Variants in SMAD9 observed in about 807,000 individuals in gnomAD.
SMAD9 encodes the protein SMAD family member 9.
Under a neutral mutation model 46.1 loss-of-function variants are expected in SMAD9, and 36 were observed. That is an observed-to-expected ratio of 0.78 (90% CI 0.60 to 1.03). SMAD9 has a LOEUF of 1.03. SMAD9 is among the 50% of genes least tolerant of loss of function. The probability of loss-of-function intolerance (pLI) is 0.00; values close to 1 mark genes in which losing one functional copy is unlikely to be tolerated. For missense variants in SMAD9, 572 were observed against 599.8 expected (o/e 0.95, Z 0.48); for synonymous variants, 245 against 237.1 (o/e 1.03, Z -0.31).
chr13:36,894,033 AGATAT>A (rs1178246977), intron 1 of SMAD9, among the ~76,000 whole-genome samples: 1 of 152,226 alleles, frequency 6.6e-6, no homozygotes, highest in Admixed American at 6.5e-5. Flanking sequence ...ATTTCTTATC[AGATAT>A]AAGTTCAACA....
At chr13:36,866,783 T>C (rs2058238997) in intron 4 of SMAD9, among the ~76,000 whole-genome samples, 1 of 152,184 alleles carries the variant, frequency 6.6e-6, no homozygotes, top group Non-Finnish European at 1.5e-5. Flanking sequence ...ATCTACAGAA[T>C]AAAAATCTTC....
At position 36,853,541 on chromosome 13, in the gene SMAD9, A is replaced by C. The variant is rs769046569; in HGVS notation, c.1138T>G (p.Cys380Gly). The C allele has an allele frequency of 6.2e-7, 1 of 1,614,184 alleles. No homozygotes were observed. Among genetic ancestry groups the C allele is most frequent in the South Asian group, 1.1e-5 (1 of 91,084 alleles). ...PATVCKIPSG[C>G]SLKVFNNQLF... ...TGGTTGTTGAAGACCTTGAGGCTGCAGCCGCTGGGGATCTTGCAGACGGTA... is the reference window on the plus strand; with the variant it reads ...TGGTTGTTGAAGACCTTGAGGCTGCCGCCGCTGGGGATCTTGCAGACGGTA... The change falls in exon 6 of 7, where the codon TGC becomes GGC. Residue 380 changes from cysteine (C) to glycine (G), a missense_variant. Transcript: ENST00000379826.
rs566083653 is a variant in SMAD9 at position 36,868,886 on chromosome 13, G to T, written c.671-1503C>A. On this transcript the variant is annotated intron_variant, in intron 3 of 6. Transcript: ENST00000379826. Reference sequence around the variant, plus strand: ...ACAATCCAAATATCCAACAGCTAATGAATTGATTTTTTAAAATGTGGTATA... The same window carrying T: ...ACAATCCAAATATCCAACAGCTAATTAATTGATTTTTTAAAATGTGGTATA... Among the ~76,000 whole-genome samples, 228 of 152,268 alleles carry T rather than the reference G, an allele frequency of 1.5e-3. 1 individual carries two copies. The highest frequency in any genetic ancestry group is 5.3e-3 in the African/African-American group (219 of 41,554).
At chr13:36,856,816 T>TTA in intron 5 of SMAD9, among the ~76,000 whole-genome samples, 1 of 150,102 alleles carries the variant, frequency 6.7e-6, no homozygotes, top group Admixed American at 6.6e-5. Flanking sequence ...TTTTTTTTTT[T>TTA]TTGAGATGGA....
chr13:36,872,947 T>C (rs778778132), intron 2 of SMAD9, 32 bp from the exon 3 acceptor site: 5 of 1,613,062 alleles, frequency 3.1e-6, no homozygotes, highest in African/African-American at 2.7e-5. Flanking sequence ...GCAGTTAGAA[T>C]TGAACATTGC....
chr13:36,881,820 G>A (rs926497876), intron 1 of SMAD9, among the ~76,000 whole-genome samples: 1 of 152,218 alleles, frequency 6.6e-6, no homozygotes, highest in Non-Finnish European at 1.5e-5. Context: ...AAGAGGGTTA[G>A]AAGCTTTAAG....
Position 36,879,654 on chromosome 13 carries a change from G to C in SMAD9, c.36C>G (p.Ser12=), listed in dbSNP as rs140527172. ...GTCTCTTCACTGCGGGGCTGGTGAA[G>C]GAGAAGAGGGAGCTGATGGGGGTGG... ...HSTTPISSLF[S]FTSPAVKRLL... Residue 12 remains serine (S), a synonymous_variant, in exon 2 of 7, where the codon TCC becomes TCG. Coordinates refer to ENST00000379826, the MANE Select transcript of SMAD9 (RefSeq NM_001127217.3). The C allele has an allele frequency of 3.1e-6, 5 of 1,614,004 alleles. No homozygotes were observed. In the African/African-American group the frequency reaches 6.7e-5, roughly 22 times the overall value.
chr13:36,876,472 C>CT (rs1402858741), intron 2 of SMAD9, among the ~76,000 whole-genome samples: 3 of 152,132 alleles, frequency 2.0e-5, no homozygotes, highest in Non-Finnish European at 4.4e-5. Context: ...GAAATTAGTA[C>CT]TTAGAAACTT....
In SMAD9 at chr13:36,848,564, A is replaced by G. The variant is rs1184758986; in HGVS notation, c.*112T>C. Reference sequence around the variant, plus strand: ...ATTAAAAAAAATAAGAACAGTATACATTCTATGTATTTACACATGTTTTTA... The same window carrying G: ...ATTAAAAAAAATAAGAACAGTATACGTTCTATGTATTTACACATGTTTTTA... On this transcript the variant is annotated 3_prime_UTR_variant, in exon 7 of 7. Coordinates refer to ENST00000379826, the MANE Select transcript of SMAD9 (RefSeq NM_001127217.3). 10 of 1,023,858 alleles carry G rather than the reference A, an allele frequency of 9.8e-6. No individual in the cohort carries two copies. The highest frequency in any genetic ancestry group is 2.6e-5 in the South Asian group (2 of 78,340). 63.4% of individuals were successfully genotyped at this position (1,023,858 alleles called of 1,614,324 possible).
intron 2 of SMAD9, among the ~76,000 whole-genome samples, chr13:36,877,726 G>A (rs1327685184): frequency 6.6e-6 from 1 of 152,104 alleles, no homozygotes; most frequent in African/African-American, 2.4e-5. Flanking sequence ...CCAAGCATGT[G>A]GAACCTTCTA....
intron 1 of SMAD9, among the ~76,000 whole-genome samples, chr13:36,909,323 T>C (rs1264904843): frequency 6.6e-6 from 1 of 152,154 alleles, no homozygotes; most frequent in Non-Finnish European, 1.5e-5. Flanking sequence ...GTTTAGAATG[T>C]TCTATATTTT....
At chr13:36,910,385 T>C (rs1187753678) in intron 1 of SMAD9, among the ~76,000 whole-genome samples, 2 of 152,000 alleles carry the variant, frequency 1.3e-5, no homozygotes, top group African/African-American at 2.4e-5. Context: ...GATACTACCA[T>C]GGTGGATACA....
chr13:36,876,855 T>C (rs1398605242), intron 2 of SMAD9, among the ~76,000 whole-genome samples: 1 of 152,114 alleles, frequency 6.6e-6, no homozygotes, highest in African/African-American at 2.4e-5. Context: ...AATATTTACT[T>C]TAAATATGGA....
At chr13:36,860,275 C>T (rs1279948604) in intron 5 of SMAD9, among the ~76,000 whole-genome samples, 1 of 151,792 alleles carries the variant, frequency 6.6e-6, no homozygotes, top group Non-Finnish European at 1.5e-5. Context: ...TTGAGATATA[C>T]AAGAAAATAA....
chr13:36,901,845 G>A (rs1387159078), intron 1 of SMAD9, among the ~76,000 whole-genome samples: 1 of 152,128 alleles, frequency 6.6e-6, no homozygotes, highest in Non-Finnish European at 1.5e-5. Context: ...CTTTAAAATT[G>A]GGTTGTGTGT....
chr13:36,888,391 A>T (rs2058465019), intron 1 of SMAD9, among the ~76,000 whole-genome samples: 2 of 152,040 alleles, frequency 1.3e-5, no homozygotes, highest in African/African-American at 4.8e-5. Context: ...GATGATTGTA[A>T]ATTTCCCTTT....
intron 1 of SMAD9, among the ~76,000 whole-genome samples, chr13:36,894,072 T>A (rs1404224283): frequency 6.6e-6 from 1 of 152,050 alleles, no homozygotes; most frequent in African/African-American, 2.4e-5. Context: ...TAAGAAAAAA[T>A]AAGAATTTTA....
intron 1 of SMAD9, among the ~76,000 whole-genome samples, chr13:36,896,268 G>A (rs1004042000): frequency 2.6e-5 from 4 of 151,962 alleles, no homozygotes; most frequent in Non-Finnish European, 5.9e-5. Context: ...GAGTAGCTAG[G>A]ACTATAGGCA....
chr13:36,913,233 C>T (rs763350297), intron 1 of SMAD9, among the ~76,000 whole-genome samples: 4 of 152,116 alleles, frequency 2.6e-5, no homozygotes, highest in Non-Finnish European at 5.9e-5. Context: ...AGACATCTTA[C>T]TATTGGAGAA....
Sources: gnomAD v4.1 joint callset for allele counts (sites outside exome capture counted in the v4.1 genomes callset) on GRCh38, gnomAD v4.1.1 for gene constraint, MANE v1.5 for transcripts, NCBI Gene and HGNC (gene_info 2026-07-23, HGNC 2026-07-21) for gene names.